The following ZHX2 variants were observed in gnomAD, a reference collection of about 807,000 sequenced individuals.
The protein encoded by ZHX2 is zinc fingers and homeoboxes 2.
A neutral mutation model predicts 21.9 loss-of-function variants in ZHX2; 6 were observed. The ratio of observed to expected loss-of-function variants is 0.27; its 90% CI spans 0.15 to 0.54. ZHX2 has a LOEUF of 0.54. ZHX2 is among the 20% of genes least tolerant of loss of function. ZHX2 has a pLI of 0.95. For missense variants in ZHX2, 908 were observed against 1,090.7 expected (o/e 0.83, Z 2.36); for synonymous variants, 434 against 437.1 (o/e 0.99, Z 0.09).
chr8:122,827,986 C>T (rs540967757), intron 1 of ZHX2, among the ~76,000 whole-genome samples: 2 of 152,246 alleles, frequency 1.3e-5, no homozygotes, highest in East Asian at 1.9e-4. Flanking sequence ...TGTTGGTGCA[C>T]AACTGTAGTC....
chr8:122,900,079 C>T lies in ZHX2; in HGVS notation c.-220+36540C>T, dbSNP rs72717990. 2.9e-3 allele frequency among the ~76,000 whole-genome samples: 435 copies of T among 152,254 alleles called. 3 individuals are homozygous for T. The highest frequency in any genetic ancestry group is 4.8e-3 in the Non-Finnish European group (325 of 68,000). Reference sequence around the variant, plus strand: ...CACGCTTCTCCCTCTATTAATACTCCCCATCCCCAACCTATATAGGGCACT... The same window carrying T: ...CACGCTTCTCCCTCTATTAATACTCTCCATCCCCAACCTATATAGGGCACT... On this transcript the variant is annotated intron_variant, in intron 2 of 3. Transcript: ENST00000314393.
intron 1 of ZHX2, among the ~76,000 whole-genome samples, chr8:122,788,069 A>G (rs1037751892): frequency 3.3e-5 from 5 of 152,218 alleles, no homozygotes; most frequent in African/African-American, 1.2e-4. Flanking sequence ...CTACACAACC[A>G]GATGCACAAA....
intron 2 of ZHX2, among the ~76,000 whole-genome samples, chr8:122,915,199 C>T (rs982395279): frequency 1.3e-5 from 2 of 152,212 alleles, no homozygotes; most frequent in Non-Finnish European, 2.9e-5. Context: ...TGAGTGACAA[C>T]ACTAGAAGGA....
chr8:122,948,429 A>T (rs1813030734), intron 2 of ZHX2, among the ~76,000 whole-genome samples: 1 of 152,090 alleles, frequency 6.6e-6, no homozygotes, highest in Non-Finnish European at 1.5e-5. Context: ...CTTCCAAATC[A>T]TCATTTGTTT....
chr8:122,852,667 GAGA>G (rs1818927487), intron 1 of ZHX2, among the ~76,000 whole-genome samples: 1 of 152,140 alleles, frequency 6.6e-6, no homozygotes, highest in Non-Finnish European at 1.5e-5. Context: ...TTTTGAGACC[GAGA>G]ATCTGGGAGG....
chr8:122,815,918 G>C (rs1473606088), intron 1 of ZHX2: 2 of 151,886 alleles, frequency 1.3e-5, no homozygotes, highest in African/African-American at 4.8e-5. Context: ...CGTCTCTACT[G>C]AAAATACAAA....
rs1044728964 is a variant in ZHX2, at chr8:122,810,290, C to T, written c.-283+28344C>T. 5.3e-5 allele frequency among the ~76,000 whole-genome samples: 8 copies of T among 152,296 alleles called. 1 individual carries two copies. Among genetic ancestry groups the T allele is most frequent in the Admixed American group, 3.9e-4 (6 of 15,302 alleles). ...TTCTGTAAAATGGGGGGTAGTAACA[C>T]CTGCTTCCTTGGCTTGTTTTGAGTA... On this transcript the variant is annotated intron_variant, in intron 1 of 3. Transcript: ENST00000314393.
chr8:122,922,281 A>G (rs964781114), intron 2 of ZHX2, among the ~76,000 whole-genome samples: 4 of 152,140 alleles, frequency 2.6e-5, no homozygotes, highest in African/African-American at 4.8e-5. Flanking sequence ...TCATGAAAAA[A>G]AAAAAAAGAA....
intron 2 of ZHX2, among the ~76,000 whole-genome samples, chr8:122,905,860 C>T (rs1378370089): frequency 2.6e-5 from 4 of 152,232 alleles, no homozygotes; most frequent in Admixed American, 2.6e-4. Flanking sequence ...ATTGCTTTTG[C>T]ACTAACCTAA....
At chr8:122,868,778 T>C (rs570175497) in intron 2 of ZHX2, among the ~76,000 whole-genome samples, 1 of 150,858 alleles carries the variant, frequency 6.6e-6, no homozygotes, top group Admixed American at 6.6e-5. Flanking sequence ...GAGGATTGCA[T>C]GAGACAAGAA....
chr8:122,807,812 A>G (rs1211883580), intron 1 of ZHX2: 1 of 152,242 alleles, frequency 6.6e-6, no homozygotes, highest in African/African-American at 2.4e-5. Context: ...TGGGAGAAGA[A>G]GTAATTTGCT....
intron 2 of ZHX2, among the ~76,000 whole-genome samples, chr8:122,918,523 G>A (rs1820659445): frequency 6.6e-6 from 1 of 152,162 alleles, no homozygotes; most frequent in Non-Finnish European, 1.5e-5. Context: ...GTCTTTGGAG[G>A]AGACCATGGT....
intron 2 of ZHX2, among the ~76,000 whole-genome samples, chr8:122,901,416 TA>T (rs1820227575): frequency 6.6e-6 from 1 of 152,184 alleles, no homozygotes; most frequent in African/African-American, 2.4e-5. Flanking sequence ...ATCTGCATTT[TA>T]ATAAGCTCCC....
intron 1 of ZHX2, among the ~76,000 whole-genome samples, chr8:122,863,089 C>T (rs917364054): frequency 6.6e-6 from 1 of 152,072 alleles, no homozygotes; most frequent in African/African-American, 2.4e-5. Flanking sequence ...TTTCCCCCTT[C>T]GCCCTCACCA....
At chr8:122,786,708 C>T (rs1290933780) in intron 1 of ZHX2, among the ~76,000 whole-genome samples, 1 of 152,098 alleles carries the variant, frequency 6.6e-6, no homozygotes, top group Non-Finnish European at 1.5e-5. Flanking sequence ...TGCCATTCCC[C>T]TTCTGCCTCC....
At chr8:122,941,820 AAT>A (rs1357369874) in intron 2 of ZHX2, among the ~76,000 whole-genome samples, 5 of 152,232 alleles carry the variant, frequency 3.3e-5, no homozygotes, top group African/African-American at 7.2e-5. Context: ...TCTGATTAAA[AAT>A]ATACATTCCC....
chr8:122,878,313 T>G (rs1336896508), intron 2 of ZHX2, among the ~76,000 whole-genome samples: 1 of 152,192 alleles, frequency 6.6e-6, no homozygotes, highest in Non-Finnish European at 1.5e-5. Context: ...GAAGAAACAC[T>G]TATTTAGCAT....
intron 1 of ZHX2, chr8:122,812,075 A>C (rs774286480): frequency 2.6e-5 from 4 of 152,246 alleles, no homozygotes; most frequent in Non-Finnish European, 5.9e-5. Context: ...TAGAAAAACA[A>C]TAGTAACCTT....
chr8:122,903,937 T>C (rs1820289129), intron 2 of ZHX2, among the ~76,000 whole-genome samples: 1 of 152,016 alleles, frequency 6.6e-6, no homozygotes, highest in Admixed American at 6.5e-5. Flanking sequence ...TCCCACTGAG[T>C]ACAACTAAAA....
Sources: gnomAD v4.1 joint callset for allele counts (sites outside exome capture counted in the v4.1 genomes callset) on GRCh38, gnomAD v4.1.1 for gene constraint, MANE v1.5 for transcripts, NCBI Gene and HGNC (gene_info 2026-07-23, HGNC 2026-07-21) for gene names.